The following CIMAP2 variants were observed in gnomAD, a reference collection of about 807,000 sequenced individuals.
CIMAP2 encodes ciliary microtubule-associated protein 2.
the CIMAP2 span, chr1:54,841,884 G>A: frequency 2.2e-5 from 34 of 1,550,758 alleles, 1 homozygote; most frequent in Admixed American, 1.8e-4. Context: ...AGCCACATGC[G>A]AAGGACAGCC....
chr1:54,807,476 G>A, the CIMAP2 span: 1 of 1,453,750 alleles, frequency 6.9e-7, no homozygotes, highest in Non-Finnish European at 9.1e-7. Context: ...TGCTCTGTGG[G>A]TAGACTGGGC....
chr1:54,830,385 G>A, the CIMAP2 span, among the ~76,000 whole-genome samples: 1 of 152,170 alleles, frequency 6.6e-6, no homozygotes, highest in Non-Finnish European at 1.5e-5. The surrounding 1 kb of genome is among the most constrained non-coding windows in gnomAD (Gnocchi z 4.1). Flanking sequence ...ACCACACTCG[G>A]CTAATTTTGT....
the CIMAP2 span, among the ~76,000 whole-genome samples, chr1:54,821,952 G>A: frequency 2.6e-5 from 3 of 117,342 alleles, no homozygotes; most frequent in African/African-American, 9.5e-5. Flanking sequence ...AGGCTGGAGT[G>A]CAGTGGCGGG....
chr1:54,814,857 C>A, the CIMAP2 span: 2 of 1,609,446 alleles, frequency 1.2e-6, no homozygotes, highest in Non-Finnish European at 8.5e-7. Flanking sequence ...CTGCCCTGGG[C>A]CCAGGCTGAC....
the CIMAP2 span, chr1:54,811,765 G>GCCGGGGGGGCGGGCCCCCCCCCC: frequency 7.7e-7 from 1 of 1,301,332 alleles, no homozygotes. Context: ...GGTTCTGACA[G>GCCGGGGGGGCGGGCCCCCCCCCC]CCTCCATGCC....
At chr1:54,807,963 C>T in the CIMAP2 span, 39 of 1,607,274 alleles carry the variant, frequency 2.4e-5, no homozygotes, top group Non-Finnish European at 3.2e-5. Context: ...CATGTAGCAC[C>T]CGGGGGCTGC....
the CIMAP2 span, among the ~76,000 whole-genome samples, chr1:54,831,100 C>A: frequency 1.3e-5 from 2 of 152,084 alleles, no homozygotes; most frequent in Non-Finnish European, 2.9e-5. Context: ...ACTGAACCTG[C>A]AATCTAAATC....
the CIMAP2 span, among the ~76,000 whole-genome samples, chr1:54,818,752 C>T: frequency 9.8e-6 from 1 of 101,548 alleles, no homozygotes; most frequent in Admixed American, 9.8e-5. Flanking sequence ...CCACCACACC[C>T]GGCTAATTTT....
the CIMAP2 span, among the ~76,000 whole-genome samples, chr1:54,823,438 A>C: frequency 6.6e-6 from 1 of 150,894 alleles, no homozygotes; most frequent in African/African-American, 2.4e-5. Context: ...ATTTTTTTCC[A>C]TCCCTCCACT....
the CIMAP2 span, among the ~76,000 whole-genome samples, chr1:54,840,810 A>G: frequency 6.6e-6 from 1 of 152,256 alleles, no homozygotes; most frequent in Non-Finnish European, 1.5e-5. Context: ...CACATTTTAA[A>G]CAAATGGGCT....
chr1:54,830,636 G>A, the CIMAP2 span, among the ~76,000 whole-genome samples: 2 of 152,132 alleles, frequency 1.3e-5, no homozygotes, highest in South Asian at 4.1e-4. This position sits in a 1 kb window ranked among gnomAD's most constrained non-coding sequence, Gnocchi z 4.1. Context: ...CTAAATGAAG[G>A]GCACTCATCT....
At chr1:54,812,190 G>T in the CIMAP2 span, 1 of 1,614,066 alleles carries the variant, frequency 6.2e-7, no homozygotes, top group Non-Finnish European at 8.5e-7. Context: ...CTCCATGCAG[G>T]TGTGTACCCA....
chr1:54,820,112 C>CTCTTTCTTTCTT, the CIMAP2 span, among the ~76,000 whole-genome samples: 336 of 8,346 alleles, frequency 0.04, 7 homozygotes, highest in East Asian at 0.27. Flanking sequence ...TTCTCTCTCT[C>CTCTTTCTTTCTT]TCTTTCTTTC....
chr1:54,832,383 A>T, the CIMAP2 span, among the ~76,000 whole-genome samples: 45 of 152,320 alleles, frequency 3.0e-4, 1 homozygote, highest in Admixed American at 1.7e-3. Flanking sequence ...CACCCTACAT[A>T]GGAATTTTTA....
chr1:54,811,773 G>GGGCCCCCCCCCCC, the CIMAP2 span: 1 of 1,325,050 alleles, frequency 7.5e-7, no homozygotes, highest in Non-Finnish European at 1.0e-6. Flanking sequence ...CAGCCTCCAT[G>GGGCCCCCCCCCCC]CCCCCACCCC....
At chr1:54,817,230 G>GC in the CIMAP2 span, 9 of 1,425,718 alleles carry the variant, frequency 6.3e-6, no homozygotes, top group Non-Finnish European at 8.5e-6. Context: ...CACAGCTTCT[G>GC]CCCCTAATGC....
the CIMAP2 span, among the ~76,000 whole-genome samples, chr1:54,826,853 A>G: frequency 1.3e-5 from 2 of 152,210 alleles, no homozygotes; most frequent in African/African-American, 4.8e-5. Context: ...CATTTGCTAC[A>G]TTCAACGTGT....
the CIMAP2 span, chr1:54,813,958 C>T: frequency 1.2e-6 from 2 of 1,609,078 alleles, no homozygotes; most frequent in South Asian, 2.2e-5. Flanking sequence ...CAACCTCAGC[C>T]AGTGCCCCCG....
chr1:54,813,666 G>T, the CIMAP2 span: 2 of 822,448 alleles, frequency 2.4e-6, no homozygotes, highest in Non-Finnish European at 3.2e-6. Flanking sequence ...GGGGCCTTGA[G>T]GCTGGCCCGG....
Sources: allele counts gnomAD v4.1 joint callset (sites outside exome capture counted in the v4.1 genomes callset), GRCh38; gene constraint gnomAD v4.1.1; non-coding constraint Gnocchi (gnomAD v3.1); transcripts MANE v1.5; gene names NCBI Gene and HGNC (gene_info 2026-07-23, HGNC 2026-07-21).